Variants in NLGN1 observed in about 807,000 individuals in gnomAD.
The protein encoded by NLGN1 is neuroligin-1.
A neutral mutation model predicts 65.5 loss-of-function variants in NLGN1; 12 were observed. The observed-to-expected ratio is 0.18, with a 90% CI of 0.12 to 0.30. NLGN1 has a LOEUF of 0.30. Ranked by LOEUF, NLGN1 falls within the 10% of genes least tolerant of loss-of-function variation. The pLI is 1.00. For missense variants in NLGN1, 750 were observed against 1,007.1 expected (o/e 0.74, Z 3.46); for synonymous variants, 350 against 359.5 (o/e 0.97, Z 0.30).
chr3:173,480,405 A>G (rs1727072753), intron 2 of NLGN1, among the ~76,000 whole-genome samples: 1 of 152,046 alleles, frequency 6.6e-6, no homozygotes, highest in Non-Finnish European at 1.5e-5. Context: ...TTCCTTCCCT[A>G]GTTTTAAAAT....
chr3:174,018,527 T>C (rs1179158433), intron 4 of NLGN1, among the ~76,000 whole-genome samples: 1 of 152,212 alleles, frequency 6.6e-6, no homozygotes, highest in East Asian at 1.9e-4. Context: ...CAATTTATGT[T>C]CTTCTGCCAT....
At chr3:174,253,175 A>G (rs1745075003) in intron 4 of NLGN1, among the ~76,000 whole-genome samples, 1 of 145,536 alleles carries the variant, frequency 6.9e-6, no homozygotes, top group Admixed American at 7.1e-5. Flanking sequence ...CTCCCCTCCA[A>G]TCTTCAATGT....
chr3:173,737,101 C>T (rs1032039472), intron 3 of NLGN1, among the ~76,000 whole-genome samples: 2 of 151,778 alleles, frequency 1.3e-5, no homozygotes, highest in Admixed American at 1.3e-4. Context: ...AGCAAAAATC[C>T]ACTGGTAGTT....
intron 2 of NLGN1, among the ~76,000 whole-genome samples, chr3:173,555,830 C>T (rs147827750): frequency 7.9e-5 from 12 of 152,148 alleles, no homozygotes; most frequent in South Asian, 6.2e-4. Context: ...AATTGGGAAG[C>T]GTTCTATACT....
intron 4 of NLGN1, among the ~76,000 whole-genome samples, chr3:174,189,732 CTAATG>C (rs10575913): frequency 0.73 from 110,244 of 150,944 alleles, 40,315 homozygotes; most frequent in East Asian, 0.77. Context: ...CTCTATATCC[CTAATG>C]TAATATATCA....
chr3:173,554,836 A>G (rs1166240657), intron 2 of NLGN1, among the ~76,000 whole-genome samples: 1 of 152,164 alleles, frequency 6.6e-6, no homozygotes, highest in Non-Finnish European at 1.5e-5. Flanking sequence ...TTTTAGGTTC[A>G]TTTATTATGA....
intron 2 of NLGN1, among the ~76,000 whole-genome samples, chr3:173,594,802 C>T (rs1325064113): frequency 6.6e-6 from 1 of 152,240 alleles, no homozygotes; most frequent in Non-Finnish European, 1.5e-5. Flanking sequence ...CTCAGTTCTT[C>T]ACTTCTGTGC....
intron 4 of NLGN1, among the ~76,000 whole-genome samples, chr3:174,008,435 G>C (rs1351736186): frequency 6.8e-6 from 1 of 146,132 alleles, no homozygotes; most frequent in Non-Finnish European, 1.5e-5. Flanking sequence ...GGCAGCTAAA[G>C]AAAACTCCTG....
chr3:174,039,410 C>T lies in NLGN1; in HGVS notation c.646+231578C>T, dbSNP rs115105325. On this transcript the variant is annotated intron_variant, in intron 4 of 6. Coordinates refer to ENST00000457714, the Ensembl canonical transcript of NLGN1. ...CATGCATTAGGTGTTTGTCCTAATGCTCTCTCTCCCCTTGCCCCCCATCCT... is the reference window on the plus strand; with the variant it reads ...CATGCATTAGGTGTTTGTCCTAATGTTCTCTCTCCCCTTGCCCCCCATCCT... 6.3e-3 allele frequency among the ~76,000 whole-genome samples: 961 copies of T among 151,954 alleles called. 14 individuals carry two copies. The highest frequency in any genetic ancestry group is 0.02 in the African/African-American group (837 of 41,418).
chr3:173,885,617 A>G (rs953413126), intron 4 of NLGN1, among the ~76,000 whole-genome samples: 22 of 152,122 alleles, frequency 1.4e-4, no homozygotes, highest in African/African-American at 4.6e-4. Context: ...AAGCATATTC[A>G]ATAAATGGCT....
At chr3:173,602,275 G>A (rs1577479105) in intron 2 of NLGN1, among the ~76,000 whole-genome samples, 1 of 151,874 alleles carries the variant, frequency 6.6e-6, no homozygotes, top group Admixed American at 6.6e-5. Context: ...TTTCTGTTTA[G>A]GCATATATTT....
rs116277362 is a variant in NLGN1, at chr3:174,151,125, A to G, written c.647-124190A>G. The stretch of plus-strand genomic sequence containing the variant: ...CCTAACAGAGTAGAGCTGCGATATC[A>G]TATATTGATGAGTGGTGTCTTTTAC... On this transcript the variant is annotated intron_variant, in intron 4 of 6. Transcript: ENST00000457714. Among the ~76,000 whole-genome samples the G allele has an allele frequency of 4.9e-3, 746 of 151,632 alleles. 5 individuals are homozygous for G. The highest frequency in any genetic ancestry group is 0.017 in the African/African-American group (703 of 41,254).
chr3:173,815,209 C>G (rs908144427), intron 4 of NLGN1, among the ~76,000 whole-genome samples: 1 of 151,636 alleles, frequency 6.6e-6, no homozygotes, highest in African/African-American at 2.4e-5. Context: ...CTCCCAGGTT[C>G]AAGCAATTCT....
At chr3:174,287,310 A>G (rs1351215502), downstream of NLGN1, among the ~76,000 whole-genome samples, 1 of 151,422 alleles carries the variant, frequency 6.6e-6, no homozygotes, top group African/African-American at 2.4e-5. Flanking sequence ...ACATCATATA[A>G]TTTCCTCATA....
intron 4 of NLGN1, among the ~76,000 whole-genome samples, chr3:174,109,768 A>G (rs1460253394): frequency 6.6e-6 from 1 of 152,096 alleles, no homozygotes; most frequent in Non-Finnish European, 1.5e-5. Context: ...GTGTCTAAAT[A>G]TTCCTTCCAG....
intron 1 of NLGN1, among the ~76,000 whole-genome samples, chr3:173,410,797 TA>T (rs1262272716): frequency 7.9e-5 from 12 of 152,214 alleles, no homozygotes; most frequent in African/African-American, 2.7e-4. Context: ...TAATCACACA[TA>T]AAAAAATTAA....
chr3:173,722,976 T>G (rs1771107501), intron 3 of NLGN1, among the ~76,000 whole-genome samples: 1 of 152,192 alleles, frequency 6.6e-6, no homozygotes, highest in African/African-American at 2.4e-5. Context: ...AGAGAAGATC[T>G]CCTTGATAAA....
chr3:173,821,797 A>G (rs752884261), intron 4 of NLGN1, among the ~76,000 whole-genome samples: 2 of 152,198 alleles, frequency 1.3e-5, no homozygotes, highest in African/African-American at 4.8e-5. Flanking sequence ...ATATTTTACT[A>G]TAATTCATAC....
chr3:173,500,418 G>T (rs1730874291), intron 2 of NLGN1, among the ~76,000 whole-genome samples: 1 of 152,146 alleles, frequency 6.6e-6, no homozygotes, highest in Non-Finnish European at 1.5e-5. Context: ...GATCATGGTG[G>T]ATAAGCTTTT....
Sources: gnomAD v4.1 joint callset for allele counts (sites outside exome capture counted in the v4.1 genomes callset) on GRCh38, gnomAD v4.1.1 for gene constraint, MANE v1.5 for transcripts, NCBI Gene and HGNC (gene_info 2026-07-23, HGNC 2026-07-21) for gene names.